Variants in DDX19A observed in about 807,000 individuals in gnomAD.
DDX19A encodes the protein DEAD-box helicase 19A.
DDX19A carries 12 observed loss-of-function variants against 60.6 expected under a neutral mutation model. The observed-to-expected ratio is 0.20, with a 90% CI of 0.13 to 0.32. The LOEUF (loss-of-function observed/expected upper bound fraction) is 0.32. Among genes scored for constraint, DDX19A ranks in the 10% least tolerant of loss-of-function variants. The pLI is 1.00. For missense variants in DDX19A, 337 were observed against 600.6 expected (o/e 0.56, Z 4.59); for synonymous variants, 206 against 218.2 (o/e 0.94, Z 0.49).
At chr16:70,369,831 G>A (rs537617512) in intron 9 of DDX19A, among the ~76,000 whole-genome samples, 1 of 151,650 alleles carries the variant, frequency 6.6e-6, no homozygotes, top group South Asian at 2.1e-4. Context: ...GGCTGGTCTC[G>A]AACTCCTGAG....
At chr16:70,357,680 G>A (rs902454628) in intron 4 of DDX19A, among the ~76,000 whole-genome samples, 2 of 151,852 alleles carry the variant, frequency 1.3e-5, no homozygotes, top group South Asian at 2.1e-4. Context: ...CACTGTGCCC[G>A]GCCTTACGTT....
intron 2 of DDX19A, among the ~76,000 whole-genome samples, chr16:70,352,838 A>G (rs1430567148): frequency 1.3e-5 from 2 of 150,398 alleles, no homozygotes; most frequent in African/African-American, 4.9e-5. Flanking sequence ...GGGTTTCTCC[A>G]TCTTGGTCAG....
At chr16:70,369,991 G>A (rs943139022) in intron 9 of DDX19A, among the ~76,000 whole-genome samples, 1 of 152,050 alleles carries the variant, frequency 6.6e-6, no homozygotes, top group Admixed American at 6.6e-5. Context: ...ACAATTTTAA[G>A]AAATTTAGCT....
intron 9 of DDX19A, 31 bp from the exon 10 acceptor site, chr16:70,370,192 T>G (rs748230424): frequency 1.2e-6 from 2 of 1,602,206 alleles, no homozygotes; most frequent in Non-Finnish European, 8.5e-7. Flanking sequence ...ACTCAAATAC[T>G]TTCATTTCTC....
intron 2 of DDX19A, among the ~76,000 whole-genome samples, chr16:70,354,248 C>T (rs1964118102): frequency 6.6e-6 from 1 of 151,956 alleles, no homozygotes; most frequent in Non-Finnish European, 1.5e-5. Context: ...CAGGTTCAAG[C>T]GATTCTCCTG....
At chr16:70,348,276 C>T (rs7192268) in intron 1 of DDX19A, among the ~76,000 whole-genome samples, 87,479 of 151,732 alleles carry the variant, frequency 0.58, 26,516 homozygotes, top group African/African-American at 0.77. Flanking sequence ...CCTATTGGTA[C>T]TACTAACGTC....
chr16:70,348,220 G>A (rs929740393), intron 1 of DDX19A, among the ~76,000 whole-genome samples: 7 of 152,102 alleles, frequency 4.6e-5, no homozygotes, highest in Non-Finnish European at 4.4e-5. Context: ...ACATAATAAA[G>A]GAGAGAAGGG....
chr16:70,357,654 G>A (rs576100644), intron 4 of DDX19A, among the ~76,000 whole-genome samples: 13 of 152,074 alleles, frequency 8.5e-5, no homozygotes, highest in African/African-American at 2.9e-4. Context: ...AAAGTGCTGA[G>A]ATTACAGGCA....
At chr16:70,350,470 A>G (rs1378594260) in intron 1 of DDX19A, 87 bp from the exon 2 acceptor site, 1 of 960,764 alleles carries the variant, frequency 1.0e-6, no homozygotes, top group East Asian at 2.6e-5. Flanking sequence ...TTCACACTAG[A>G]CTTTTACTAG....
chr16:70,366,410 G>A (rs1964521227), intron 8 of DDX19A, 148 bp downstream of exon 8: 7 of 1,313,360 alleles, frequency 5.3e-6, no homozygotes, highest in Admixed American at 4.4e-5. Flanking sequence ...CCATGTCAGC[G>A]CTGATCACAG....
intron 10 of DDX19A, 136 bp downstream of exon 10, chr16:70,370,521 G>C (rs1309943067): frequency 3.0e-6 from 4 of 1,325,868 alleles, no homozygotes; most frequent in East Asian, 5.1e-5. Context: ...TTCCTTTCTA[G>C]GAGAGACTGT....
rs1307567961 is a variant in DDX19A at position 70,365,040 on chromosome 16, T to C, written c.513T>C (p.Tyr171=). ...YPQCLCLSPT[Y]ELALQTGKVI... is the part of the protein sequence containing the mutation. ...AGTGTCTGTGCCTCTCCCCAACATA[T>C]GAGCTGGCGCTTCAAACAGGAAAAG... The change falls in exon 7 of 12, where the codon TAT becomes TAC. Residue 171 remains tyrosine (Y), a synonymous_variant. Transcript: ENST00000302243. 6 of 1,614,180 alleles carry C rather than the reference T, an allele frequency of 3.7e-6. No homozygotes were observed. The South Asian group carries it at 5.5e-5, about 15-fold the overall frequency.
chr16:70,349,848 C>T (rs1431206870), intron 1 of DDX19A, among the ~76,000 whole-genome samples: 1 of 152,140 alleles, frequency 6.6e-6, no homozygotes, highest in Non-Finnish European at 1.5e-5. Flanking sequence ...TCTAAGCATC[C>T]AGCTTATCAG....
In DDX19A at chr16:70,373,099, G is replaced by C. The variant is rs2047306253; in HGVS notation, c.*1113G>C. ...AATAGAAAAAAATATAGCCGGGCCT[G>C]GTGGCGCACGCCTGTAGTCCCAGCT... On this transcript the variant is annotated 3_prime_UTR_variant, in exon 12 of 12. Transcript: ENST00000302243. 6.6e-6 allele frequency: 1 copy of C among 152,192 alleles called. No individual in the cohort carries two copies. Among genetic ancestry groups the C allele is most frequent in the Admixed American group, 6.6e-5 (1 of 15,262 alleles). The allele number at this position is 152,192 out of a possible 1,614,324, so 9.4% of individuals were successfully genotyped here. A position where few individuals can be genotyped will look rare whatever the true frequency, so the allele number is the denominator to read the frequency against.
intron 1 of DDX19A, among the ~76,000 whole-genome samples, chr16:70,348,635 A>G (rs1963921360): frequency 2.7e-5 from 1 of 37,096 alleles, no homozygotes; most frequent in African/African-American, 3.8e-4. Context: ...TCAAAAAAAA[A>G]AAAAAAAAAA....
chr16:70,371,344 T>C (rs1238620571), intron 10 of DDX19A, 28 bp from the exon 11 acceptor site: 3 of 1,614,106 alleles, frequency 1.9e-6, no homozygotes, highest in East Asian at 2.2e-5. Flanking sequence ...TCCTTAGTCC[T>C]CTCAGCCTCC....
chr16:70,355,479 G>T lies in DDX19A; in HGVS notation c.107-6G>T, dbSNP rs1292723525. The T allele has an allele frequency of 6.2e-7, 1 of 1,611,314 alleles. No homozygotes were observed. The highest frequency in any genetic ancestry group is 1.1e-5 in the South Asian group (1 of 91,030). On this transcript the variant is annotated splice_region_variant and splice_polypyrimidine_tract_variant and intron_variant, in intron 2 of 11. Transcript: ENST00000302243. ...TTCTAATTATGACAATTGTTTTCTT[G>T]TGTAGGTATTATCAAAACCAGTACC...
chr16:70,370,071 C>A, intron 9 of DDX19A, 152 bp from the exon 10 acceptor site: 1 of 1,086,810 alleles, frequency 9.2e-7, no homozygotes, highest in Non-Finnish European at 1.3e-6. Flanking sequence ...GTGCCTCACA[C>A]CTGTACTCCC....
At chr16:70,353,690 CGG>C (rs33997760) in intron 2 of DDX19A, among the ~76,000 whole-genome samples, 43,695 of 151,324 alleles carry the variant, frequency 0.29, 7,822 homozygotes, top group Non-Finnish European at 0.39. Context: ...CACCTGAGGT[CGG>C]GAGTTTGAGA....
Sources: allele counts gnomAD v4.1 joint callset (sites outside exome capture counted in the v4.1 genomes callset), GRCh38; gene constraint gnomAD v4.1.1; transcripts MANE v1.5; gene names NCBI Gene and HGNC (gene_info 2026-07-23, HGNC 2026-07-21).